SGK3: variants seen among roughly 807,000 people sequenced by gnomAD.
SGK3 encodes the protein serum/glucocorticoid regulated kinase family member 3, also known as serine/threonine-protein kinase Sgk3.
In SGK3, 47 loss-of-function variants were observed where a neutral mutation model predicts 68.5. The ratio of observed to expected loss-of-function variants is 0.69; its 90% CI spans 0.54 to 0.87. The LOEUF is 0.87. Ranked by LOEUF, SGK3 falls within the 40% of genes least tolerant of loss-of-function variation. SGK3 has a pLI of 0.00. For missense variants in SGK3, 479 were observed against 575.5 expected (o/e 0.83, Z 1.72); for synonymous variants, 181 against 189.1 (o/e 0.96, Z 0.35).
chr8:66,783,917 T>A (rs1476938329), intron 1 of SGK3, among the ~76,000 whole-genome samples: 1 of 152,106 alleles, frequency 6.6e-6, no homozygotes, highest in Non-Finnish European at 1.5e-5. Flanking sequence ...TGAGACACAG[T>A]CTTGCTCTGT....
chr8:66,742,874 A>G (rs1358416461), intron 1 of SGK3, among the ~76,000 whole-genome samples: 1 of 151,758 alleles, frequency 6.6e-6, no homozygotes, highest in Non-Finnish European at 1.5e-5. Context: ...TTCTGTCTCC[A>G]TTTTCCACTC....
chr8:66,848,000 G>A (rs1190570860), intron 15 of SGK3, among the ~76,000 whole-genome samples: 1 of 151,670 alleles, frequency 6.6e-6, no homozygotes, highest in Non-Finnish European at 1.5e-5. Context: ...GTCAGTAAAT[G>A]CACAAAAATA....
intron 6 of SGK3, among the ~76,000 whole-genome samples, chr8:66,825,329 C>CTTT (rs11347366): frequency 4.9e-5 from 6 of 123,070 alleles, no homozygotes; most frequent in Non-Finnish European, 8.4e-5. Flanking sequence ...TTATTAAGGA[C>CTTT]TTTTTTTTTT....
intron 1 of SGK3, among the ~76,000 whole-genome samples, chr8:66,739,138 T>G (rs1483985569): frequency 6.6e-6 from 1 of 152,180 alleles, no homozygotes; most frequent in Non-Finnish European, 1.5e-5. Flanking sequence ...GAAACCTCTT[T>G]ATTTGATTTG....
chr8:66,731,315 A>C (rs1435496669), intron 1 of SGK3, among the ~76,000 whole-genome samples: 2 of 152,298 alleles, frequency 1.3e-5, no homozygotes, highest in African/African-American at 4.8e-5. Flanking sequence ...AGTGTTGTTC[A>C]TATCTTTTTC....
intron 3 of SGK3, 38 bp downstream of exon 3, chr8:66,798,663 G>A: frequency 1.3e-6 from 2 of 1,544,138 alleles, no homozygotes; most frequent in Non-Finnish European, 1.8e-6. Flanking sequence ...TTAAAAGAAA[G>A]CACCCGAGAA....
chr8:66,729,759 A>T (rs1805093308), intron 1 of SGK3, among the ~76,000 whole-genome samples: 1 of 151,256 alleles, frequency 6.6e-6, no homozygotes, highest in Non-Finnish European at 1.5e-5. Flanking sequence ...TTATTTATTT[A>T]TTGAGACAGA....
intron 3 of SGK3, among the ~76,000 whole-genome samples, chr8:66,803,527 A>G (rs1487463450): frequency 7.0e-6 from 1 of 143,820 alleles, no homozygotes; most frequent in Non-Finnish European, 1.5e-5. Flanking sequence ...GTGTGTGTGT[A>G]TTTTTGACAT....
chr8:66,838,714 T>C (rs1809643274), intron 10 of SGK3, among the ~76,000 whole-genome samples: 1 of 151,848 alleles, frequency 6.6e-6, no homozygotes. Flanking sequence ...TAAAATACAA[T>C]AGAATGCCAG....
intron 7 of SGK3, among the ~76,000 whole-genome samples, chr8:66,829,379 T>C (rs1344959434): frequency 6.6e-6 from 1 of 152,118 alleles, no homozygotes; most frequent in Non-Finnish European, 1.5e-5. Context: ...GGAGAATGAT[T>C]ATAGGCAGAT....
chr8:66,773,808 G>A (rs1392606272), intron 1 of SGK3, among the ~76,000 whole-genome samples: 1 of 152,148 alleles, frequency 6.6e-6, no homozygotes, highest in East Asian at 1.9e-4. Context: ...TTATCACACT[G>A]CTCAGAACAG....
At chr8:66,747,343 G>C (rs1432939602) in intron 1 of SGK3, among the ~76,000 whole-genome samples, 1 of 152,084 alleles carries the variant, frequency 6.6e-6, no homozygotes, top group African/African-American at 2.4e-5. Context: ...AGAAACTTGT[G>C]TCAAATTTCT....
At chr8:66,713,132 C>T (rs941281149) in intron 1 of SGK3, among the ~76,000 whole-genome samples, 9 of 152,214 alleles carry the variant, frequency 5.9e-5, no homozygotes, top group Non-Finnish European at 1.0e-4. Context: ...CAGGGAGACC[C>T]TATCTGAGGT....
intron 6 of SGK3, among the ~76,000 whole-genome samples, chr8:66,825,372 A>G (rs113515513): frequency 0.021 from 2,970 of 140,952 alleles, 105 homozygotes; most frequent in African/African-American, 0.073. Flanking sequence ...TCCGTCGCCC[A>G]GGCTGGAGTG....
intron 10 of SGK3, 157 bp from the exon 11 acceptor site, chr8:66,839,846 G>T: frequency 1.6e-6 from 1 of 621,176 alleles, no homozygotes. Flanking sequence ...TGGATGAAGG[G>T]GAGTCACATT....
intron 5 of SGK3, among the ~76,000 whole-genome samples, chr8:66,817,404 C>A (rs534781939): frequency 6.6e-6 from 1 of 151,702 alleles, no homozygotes; most frequent in East Asian, 2.0e-4. Flanking sequence ...GCACTCCAGC[C>A]TGGCGACAGA....
chr8:66,767,804 T>G (rs760248053), intron 1 of SGK3: 86 of 1,565,134 alleles, frequency 5.5e-5, no homozygotes, highest in Non-Finnish European at 7.6e-5. Context: ...GTAGCTCTGT[T>G]GACAGTTCCC....
intron 2 of SGK3, among the ~76,000 whole-genome samples, chr8:66,796,809 C>T (rs1303567872): frequency 6.6e-6 from 1 of 151,996 alleles, no homozygotes; most frequent in Admixed American, 6.6e-5. Flanking sequence ...TTAACCCTAG[C>T]TCTCAAGGAA....
At chr8:66,729,838 G>A (rs1039310699) in intron 1 of SGK3, among the ~76,000 whole-genome samples, 2 of 151,930 alleles carry the variant, frequency 1.3e-5, no homozygotes, top group African/African-American at 2.4e-5. Flanking sequence ...TCCACCTCCC[G>A]GATTCAAGTG....
Sources: allele counts gnomAD v4.1 joint callset (sites outside exome capture counted in the v4.1 genomes callset), GRCh38; gene constraint gnomAD v4.1.1; transcripts MANE v1.5; gene names NCBI Gene and HGNC (gene_info 2026-07-23, HGNC 2026-07-21).